Variants in ZNF407 observed in about 807,000 individuals in gnomAD.
The protein encoded by ZNF407 is zinc finger protein 407.
In ZNF407, 17 loss-of-function variants were observed where a neutral mutation model predicts 131.2. That is an observed-to-expected ratio of 0.13 (90% CI 0.09 to 0.19). The LOEUF (loss-of-function observed/expected upper bound fraction) is 0.19, where lower values mean the gene tolerates loss of function less well. Among genes scored for constraint, ZNF407 ranks in the 10% least tolerant of loss-of-function variants. ZNF407 has a pLI of 1.00. For synonymous variants in ZNF407, 1,156 were observed against 1,062.0 expected (o/e 1.09, Z -1.72); for missense variants, 2,681 against 2,830.6 (o/e 0.95, Z 1.20).
intron 7 of ZNF407, among the ~76,000 whole-genome samples, chr18:74,917,230 C>T (rs891108153): frequency 2.0e-5 from 3 of 152,124 alleles, no homozygotes; most frequent in Non-Finnish European, 4.4e-5. Context: ...TTAACACTCA[C>T]TCTCATTTCC....
chr18:74,786,181 A>T (rs1184661357), intron 4 of ZNF407, among the ~76,000 whole-genome samples: 4 of 152,272 alleles, frequency 2.6e-5, no homozygotes, highest in South Asian at 4.1e-4. Flanking sequence ...TGTTGCATAT[A>T]TTTCATTTTA....
intron 8 of ZNF407, among the ~76,000 whole-genome samples, chr18:75,060,744 A>G (rs1332264223): frequency 1.3e-5 from 2 of 151,880 alleles, no homozygotes; most frequent in African/African-American, 4.8e-5. Flanking sequence ...TGACCTCGTG[A>G]TCCGTCCGCC....
rs1345614175 is a variant in ZNF407 at position 75,064,187 on chromosome 18, G to C, written c.6466G>C (p.Val2156Leu). 6.2e-7 allele frequency: 1 copy of C among 1,604,268 alleles called. No individual in the cohort carries two copies. The highest frequency in any genetic ancestry group is 2.3e-5 in the East Asian group (1 of 44,414). ...IVTEELVQAM[V>L]QESSGGFSEG... The stretch of plus-strand genomic sequence containing the variant: ...GACGGAGGAGCTGGTCCAGGCCATG[G>C]TGCAGGAGTCCAGTGGCGGCTTCTC... The change falls in exon 9 of 9, where the codon GTG becomes CTG. Residue 2156 changes from valine (V) to leucine (L), a missense_variant. Coordinates refer to ENST00000299687, the MANE Select transcript of ZNF407 (RefSeq NM_017757.3).
chr18:74,883,706 G>A (rs546725627), intron 6 of ZNF407, among the ~76,000 whole-genome samples: 67 of 152,280 alleles, frequency 4.4e-4, no homozygotes, highest in Admixed American at 9.2e-4. Context: ...CGGTCAGCCC[G>A]TCTGACGGAC....
chr18:74,621,475 C>T (rs1008490901), intron 1 of ZNF407, among the ~76,000 whole-genome samples: 1 of 152,078 alleles, frequency 6.6e-6, no homozygotes, highest in Non-Finnish European at 1.5e-5. Context: ...GATCTGCTAC[C>T]GAGACAACTC....
chr18:74,953,264 G>A (rs1014226156), intron 8 of ZNF407, among the ~76,000 whole-genome samples: 2 of 152,186 alleles, frequency 1.3e-5, no homozygotes, highest in Admixed American at 6.5e-5. Context: ...GTCCGTCCAG[G>A]CTATCTGACT....
intron 4 of ZNF407, among the ~76,000 whole-genome samples, chr18:74,858,909 C>CTT (rs796291307): frequency 2.0e-5 from 3 of 147,056 alleles, no homozygotes; most frequent in Admixed American, 1.4e-4. Context: ...CCTTTTTGCC[C>CTT]TTTTTTTTTT....
chr18:75,063,740 G>A lies in ZNF407; in HGVS notation c.6019G>A (p.Gly2007Arg). The A allele has an allele frequency of 6.2e-7, 1 of 1,612,148 alleles. No homozygotes were observed. The highest frequency in any genetic ancestry group is 1.7e-5 in the Admixed American group (1 of 59,998). The part of the protein sequence containing the change: ...TELGEVEGRA[G>R]LEEQGRPGAK... Reference sequence around the variant, plus strand: ...ATTAGGGGAGGTGGAGGGCAGGGCTGGGCTCGAGGAGCAAGGCAGGCCCGG... The same window carrying A: ...ATTAGGGGAGGTGGAGGGCAGGGCTAGGCTCGAGGAGCAAGGCAGGCCCGG... Residue 2007 changes from glycine (G) to arginine (R), a missense_variant, in exon 9 of 9, where the codon GGG (glycine) becomes AGG (arginine). Physicochemically the swap from Gly to Arg is moderately radical, Grantham distance 125. Coordinates refer to ENST00000299687, the MANE Select transcript of ZNF407 (RefSeq NM_017757.3). This position sits in a 1 kb window ranked among gnomAD's most constrained non-coding sequence, Gnocchi z 6.6.
chr18:75,019,479 A>G (rs1973081719), intron 8 of ZNF407, among the ~76,000 whole-genome samples: 1 of 152,146 alleles, frequency 6.6e-6, no homozygotes, highest in African/African-American at 2.4e-5. Flanking sequence ...AATTCCAGAA[A>G]CAGTTATTTA....
chr18:74,920,944 T>C, intron 8 of ZNF407: 3 of 1,164,552 alleles, frequency 2.6e-6, no homozygotes, highest in Middle Eastern at 3.4e-4. Flanking sequence ...AAGTTAATAA[T>C]AGTAAATATT....
intron 3 of ZNF407, among the ~76,000 whole-genome samples, chr18:74,681,302 C>A (rs1190241614): frequency 6.6e-6 from 1 of 152,006 alleles, no homozygotes; most frequent in Non-Finnish European, 1.5e-5. Context: ...GTGGTGTGAT[C>A]ATAGCTCACT....
chr18:74,758,222 C>T (rs1969008922), intron 3 of ZNF407, among the ~76,000 whole-genome samples: 1 of 151,838 alleles, frequency 6.6e-6, no homozygotes, highest in Non-Finnish European at 1.5e-5. Context: ...TGGTATTTTA[C>T]TGTTTCTTCT....
intron 6 of ZNF407, among the ~76,000 whole-genome samples, chr18:74,883,784 A>G (rs969533685): frequency 6.6e-6 from 1 of 152,198 alleles, no homozygotes; most frequent in African/African-American, 2.4e-5. Flanking sequence ...GGCTTTCCTT[A>G]TCAATGGGGC....
Position 74,633,378 on chromosome 18 carries a change from G to C in ZNF407, c.2359G>C (p.Glu787Gln). The C allele has an allele frequency of 6.2e-7, 1 of 1,613,980 alleles. No homozygotes were observed. The highest frequency in any genetic ancestry group is 8.5e-7 in the Non-Finnish European group (1 of 1,179,890). ...ATGTATAGGTGCAAATGATAAAAAA[G>C]AAGAGTTTGATGTTTCCGGAAATGG... is the stretch of plus-strand genomic sequence containing the variant. ...RVCIGANDKKEEFDVSGNGRI... is the reference protein window; with the variant it reads ...RVCIGANDKKQEFDVSGNGRI... The change falls in exon 2 of 9, where the codon GAA (glutamate) becomes CAA (glutamine). Residue 787 changes from glutamate to glutamine, a missense_variant. Around this residue, in one of 6 missense-constraint regions of ZNF407, gnomAD observed 1,789 missense variants for 1,748.7 expected, o/e 1.02. Transcript: ENST00000299687.
At chr18:74,665,968 C>T (rs538790406) in intron 3 of ZNF407, among the ~76,000 whole-genome samples, 10 of 152,276 alleles carry the variant, frequency 6.6e-5, no homozygotes, top group Middle Eastern at 3.4e-3. Flanking sequence ...ACGTTGCCAC[C>T]GTTAAATGAA....
chr18:74,650,017 T>C (rs541285640), intron 3 of ZNF407, among the ~76,000 whole-genome samples: 1 of 152,238 alleles, frequency 6.6e-6, no homozygotes, highest in Non-Finnish European at 1.5e-5. Context: ...CACAAGCAAT[T>C]TGGGTATTCA....
intron 8 of ZNF407, among the ~76,000 whole-genome samples, chr18:74,952,856 G>A (rs1041373085): frequency 2.0e-5 from 3 of 152,198 alleles, no homozygotes; most frequent in South Asian, 2.1e-4. Context: ...GGCCAGGGCC[G>A]TGAAAATGTG....
intron 3 of ZNF407, among the ~76,000 whole-genome samples, chr18:74,776,745 T>C (rs982380895): frequency 1.3e-5 from 2 of 152,210 alleles, no homozygotes; most frequent in African/African-American, 4.8e-5. Flanking sequence ...CAGCCTATTG[T>C]CGATCAGAAG....
chr18:74,615,233 G>A (rs1010994054), intron 1 of ZNF407, among the ~76,000 whole-genome samples: 13 of 152,230 alleles, frequency 8.5e-5, no homozygotes, highest in African/African-American at 2.7e-4. Flanking sequence ...CAGGCTGGGC[G>A]CGGTGGCTTA....
Sources: allele counts gnomAD v4.1 joint callset (sites outside exome capture counted in the v4.1 genomes callset), GRCh38; gene constraint gnomAD v4.1.1; regional missense constraint gnomAD v4.1.1; non-coding constraint Gnocchi (gnomAD v3.1); transcripts MANE v1.5; gene names NCBI Gene and HGNC (gene_info 2026-07-23, HGNC 2026-07-21).